The following CAP2 variants were observed in gnomAD, a reference collection of about 807,000 sequenced individuals.
CAP2 encodes the protein cyclase associated actin cytoskeleton regulatory protein 2.
In CAP2, 24 loss-of-function variants were observed where a neutral mutation model predicts 57.7. That is an observed-to-expected ratio of 0.42 (90% CI 0.30 to 0.58). The LOEUF is 0.58. Ranked by LOEUF, CAP2 falls within the 20% of genes least tolerant of loss-of-function variation. The probability of loss-of-function intolerance (pLI) is 0.22; values close to 1 mark genes in which losing one functional copy is unlikely to be tolerated. For missense variants in CAP2, 501 were observed against 590.3 expected, an observed-to-expected ratio of 0.85 and a Z score of 1.57; for synonymous variants, 194 against 207.2, an observed-to-expected ratio of 0.94 and a Z score of 0.55.
intron 7 of CAP2, among the ~76,000 whole-genome samples, chr6:17,520,674 T>A (rs997565288): frequency 6.6e-6 from 1 of 152,244 alleles, no homozygotes; most frequent in African/African-American, 2.4e-5. Flanking sequence ...AGCTTACTTT[T>A]GATCAAATTA....
intron 3 of CAP2, among the ~76,000 whole-genome samples, chr6:17,436,816 G>A (rs1332127570): frequency 2.6e-5 from 4 of 152,080 alleles, no homozygotes; most frequent in Non-Finnish European, 5.9e-5. Context: ...CAGGAGGTGA[G>A]TGGCAGGCAG....
rs555408176 is a variant in CAP2, at chr6:17,441,640, C to A, written c.222+14950C>A. On this transcript the variant is annotated intron_variant, in intron 3 of 12. Coordinates refer to ENST00000229922, the MANE Select transcript of CAP2 (RefSeq NM_006366.3). ...CTGGGACTACAGGTGCACACCACCA[C>A]GCTCAGCTAATTTTTCATATTTTTA... 3.7e-4 allele frequency among the ~76,000 whole-genome samples: 54 copies of A among 147,146 alleles called. 2 individuals carry two copies. Among genetic ancestry groups the A allele is most frequent in the African/African-American group, 1.4e-3 (52 of 37,152 alleles).
intron 4 of CAP2, among the ~76,000 whole-genome samples, chr6:17,500,635 C>G (rs765895841): frequency 3.3e-5 from 5 of 151,960 alleles, no homozygotes; most frequent in Non-Finnish European, 1.5e-5. Context: ...TTTTGTGACA[C>G]ATGCAAACTT....
chr6:17,458,357 A>C (rs1455180617), intron 3 of CAP2, among the ~76,000 whole-genome samples: 6 of 152,238 alleles, frequency 3.9e-5, no homozygotes, highest in Non-Finnish European at 8.8e-5. Flanking sequence ...CAAGAGACTT[A>C]TATCTGTTGT....
intron 4 of CAP2, among the ~76,000 whole-genome samples, chr6:17,478,540 C>CT (rs1761213864): frequency 6.6e-6 from 1 of 151,852 alleles, no homozygotes; most frequent in Non-Finnish European, 1.5e-5. Context: ...TCCCTAGGAC[C>CT]TTATCTAATC....
rs764904918 is a variant in CAP2 at position 17,421,614 on chromosome 6, C to G, written c.59C>G (p.Ser20Trp). 1.4e-5 allele frequency: 23 copies of G among 1,613,876 alleles called. No individual in the cohort carries two copies. Among genetic ancestry groups the G allele is most frequent in the Non-Finnish European group, 8.5e-6 (10 of 1,179,864 alleles). The change falls in exon 2 of 13, where the codon TCG becomes TGG. Residue 20 changes from serine (S) to tryptophan (W), a missense_variant. Transcript: ENST00000229922. ...GAACGAGCTGTCAGCCGCCTGGAGT[C>G]GCTGTCTGCAGAGTCCCACAGGCCC... Reference protein sequence around the residue: ...RLERAVSRLESLSAESHRPPG... With the variant: ...RLERAVSRLEWLSAESHRPPG...
chr6:17,434,534 T>C (rs927821221), intron 3 of CAP2, among the ~76,000 whole-genome samples: 9 of 152,186 alleles, frequency 5.9e-5, no homozygotes, highest in African/African-American at 2.2e-4. Context: ...TGGCCTGATT[T>C]AATTTTTTGA....
At chr6:17,554,975 C>A (rs566876076) in intron 12 of CAP2, among the ~76,000 whole-genome samples, 4 of 152,272 alleles carry the variant, frequency 2.6e-5, no homozygotes, top group Admixed American at 2.6e-4. Flanking sequence ...AAGTAGAGTG[C>A]CTTGGTGAAG....
rs564410897 is a variant in CAP2, at chr6:17,555,925, G to A, written c.1351-434G>A. 2.0e-5 allele frequency among the ~76,000 whole-genome samples: 3 copies of A among 152,258 alleles called. No homozygotes were observed. The South Asian group carries it at 6.2e-4, about 32-fold the overall frequency. ...CATGTGCATGTTAAAGTTTAGTGGA[G>A]AGTAGTAGGTAAGATAGAGCGCAGA... On this transcript the variant is annotated intron_variant, in intron 12 of 12. Coordinates refer to ENST00000229922, the MANE Select transcript of CAP2 (RefSeq NM_006366.3).
At chr6:17,551,878 G>A (rs1581617606) in intron 12 of CAP2, among the ~76,000 whole-genome samples, 1 of 152,130 alleles carries the variant, frequency 6.6e-6, no homozygotes, top group South Asian at 2.1e-4. Flanking sequence ...ATCTGAGTTC[G>A]TATTAGGTAG....
intron 7 of CAP2, chr6:17,530,792 AT>A: frequency 3.6e-6 from 2 of 550,936 alleles, no homozygotes; most frequent in Non-Finnish European, 6.4e-6. Flanking sequence ...GTCAGGTGAT[AT>A]TTTTTTCATT....
intron 3 of CAP2, among the ~76,000 whole-genome samples, chr6:17,433,241 C>T (rs897949268): frequency 1.1e-4 from 17 of 152,150 alleles, no homozygotes; most frequent in Non-Finnish European, 1.0e-4. Flanking sequence ...CAGAAGGAAC[C>T]ATGTCAGAAA....
chr6:17,530,763 C>A (rs554184369), intron 7 of CAP2: 19 of 513,724 alleles, frequency 3.7e-5, no homozygotes, highest in African/African-American at 3.7e-4. Context: ...GCAACATAAT[C>A]CACCTGTTCC....
intron 1 of CAP2, among the ~76,000 whole-genome samples, chr6:17,420,869 T>G (rs1007755448): frequency 3.3e-5 from 5 of 152,228 alleles, no homozygotes; most frequent in African/African-American, 1.2e-4. Flanking sequence ...TTTTAGGTTC[T>G]TTTGAATTTC....
At chr6:17,468,081 CCTGG>C (rs1001854798) in intron 4 of CAP2, among the ~76,000 whole-genome samples, 1 of 152,032 alleles carries the variant, frequency 6.6e-6, no homozygotes, top group Non-Finnish European at 1.5e-5. Context: ...CCTTTCTGTG[CCTGG>C]CTTATTTCAC....
chr6:17,394,924 T>G (rs1377363535), intron 1 of CAP2, among the ~76,000 whole-genome samples: 2 of 152,244 alleles, frequency 1.3e-5, no homozygotes, highest in African/African-American at 4.8e-5. Flanking sequence ...GTGAAATAGT[T>G]AATTCAGTAC....
Position 17,452,819 on chromosome 6 carries a change from A to G in CAP2, c.223-10177A>G, listed in dbSNP as rs908921608. Among the ~76,000 whole-genome samples the G allele has an allele frequency of 3.3e-5, 5 of 152,032 alleles. No homozygotes were observed. In the South Asian group the frequency reaches 8.3e-4, roughly 25 times the overall value. ...AACTGTCTCTGAGCCCCTCTCACAT[A>G]AGTATTTATCACACTCACCCTCACC... is the stretch of plus-strand genomic sequence containing the variant. On this transcript the variant is annotated intron_variant, in intron 3 of 12. Transcript: ENST00000229922.
intron 12 of CAP2, among the ~76,000 whole-genome samples, chr6:17,552,538 A>G (rs1216546642): frequency 6.6e-6 from 1 of 152,214 alleles, no homozygotes; most frequent in African/African-American, 2.4e-5. Flanking sequence ...AGGCTGAGGC[A>G]GGAGAATTAC....
At chr6:17,531,268 G>T in intron 7 of CAP2, 1 of 833,296 alleles carries the variant, frequency 1.2e-6, no homozygotes, top group Non-Finnish European at 2.1e-6. Flanking sequence ...GCCTTGTTGA[G>T]CTTCACAAAG....
Sources: allele counts gnomAD v4.1 joint callset (sites outside exome capture counted in the v4.1 genomes callset), GRCh38; gene constraint gnomAD v4.1.1; transcripts MANE v1.5; gene names NCBI Gene and HGNC (gene_info 2026-07-23, HGNC 2026-07-21).